NIPSNAP1: variants seen among roughly 807,000 people sequenced by gnomAD.
NIPSNAP1 encodes the protein nipsnap homolog 1, also known as protein NipSnap homolog 1.
In NIPSNAP1, 25 loss-of-function variants were observed where a neutral mutation model predicts 49.2. The ratio of observed to expected loss-of-function variants is 0.51; its 90% CI spans 0.37 to 0.71. NIPSNAP1 has a LOEUF of 0.71. Ranked by LOEUF, NIPSNAP1 falls within the 30% of genes least tolerant of loss-of-function variation. The pLI is 0.00. For synonymous variants in NIPSNAP1, 143 were observed against 140.7 expected, an observed-to-expected ratio of 1.02 and a Z score of -0.12; for missense variants, 294 against 361.0, an observed-to-expected ratio of 0.81 and a Z score of 1.50.
intron 4 of NIPSNAP1, among the ~76,000 whole-genome samples, chr22:29,568,267 C>T (rs1203130783): frequency 6.8e-6 from 1 of 148,110 alleles, no homozygotes; most frequent in Non-Finnish European, 1.5e-5. Flanking sequence ...GGTGGATCAC[C>T]TGAGGTCAGA....
chr22:29,573,355 T>C (rs2064424956), intron 1 of NIPSNAP1, among the ~76,000 whole-genome samples: 1 of 152,100 alleles, frequency 6.6e-6, no homozygotes, highest in Admixed American at 6.6e-5. Context: ...TATGTTTGTA[T>C]AAGCATAAAA....
chr22:29,562,773 T>C (rs2064344677), intron 4 of NIPSNAP1, among the ~76,000 whole-genome samples: 1 of 151,760 alleles, frequency 6.6e-6, no homozygotes, highest in Non-Finnish European at 1.5e-5. Context: ...GAAGCTTACT[T>C]TGCATGGAAA....
At chr22:29,556,036 C>G in intron 9 of NIPSNAP1, 37 bp from the exon 10 acceptor site, 1 of 1,541,356 alleles carries the variant, frequency 6.5e-7, no homozygotes, top group Non-Finnish European at 8.8e-7. Flanking sequence ...ACAGGGGGCT[C>G]AAGCAAGCCA....
intron 1 of NIPSNAP1, among the ~76,000 whole-genome samples, chr22:29,579,268 C>G (rs949119170): frequency 6.8e-6 from 1 of 147,362 alleles, no homozygotes; most frequent in Non-Finnish European, 1.5e-5. Context: ...ACGTTTTCAC[C>G]AACATGGTGA....
intron 8 of NIPSNAP1, 124 bp downstream of exon 8, chr22:29,560,610 T>C: frequency 1.2e-6 from 1 of 813,182 alleles, no homozygotes; most frequent in Admixed American, 1.8e-5. Flanking sequence ...ACTTTACATC[T>C]AAGATAGTGT....
Position 29,581,105 on chromosome 22 carries a change from G to A in NIPSNAP1, c.-23C>T, listed in dbSNP as rs564487854. Reference sequence around the variant, plus strand: ...CATGTTGGAGCCGCAAAGGTTGCAGGAAGGCCCCGCCCCCAAGCCCTGGTG... The same window carrying A: ...CATGTTGGAGCCGCAAAGGTTGCAGAAAGGCCCCGCCCCCAAGCCCTGGTG... On this transcript the variant is annotated 5_prime_UTR_variant, in exon 1 of 10. Coordinates refer to ENST00000216121, the MANE Select transcript of NIPSNAP1 (RefSeq NM_003634.4). 2.1e-5 allele frequency: 33 copies of A among 1,538,340 alleles called. No individual in the cohort carries two copies. Among genetic ancestry groups the A allele is most frequent in the Admixed American group, 5.9e-5 (3 of 50,924 alleles).
intron 1 of NIPSNAP1, among the ~76,000 whole-genome samples, chr22:29,572,384 G>C (rs1432664500): frequency 6.6e-6 from 1 of 151,840 alleles, no homozygotes; most frequent in Non-Finnish European, 1.5e-5. Flanking sequence ...GCAGCCATTG[G>C]GACGGATAAA....
At chr22:29,556,640 C>A (rs1328730862) in intron 9 of NIPSNAP1, among the ~76,000 whole-genome samples, 1 of 152,220 alleles carries the variant, frequency 6.6e-6, no homozygotes, top group Non-Finnish European at 1.5e-5. Context: ...ACTCTTTCCT[C>A]CAGCTCAGAG....
intron 4 of NIPSNAP1, among the ~76,000 whole-genome samples, chr22:29,566,928 C>T (rs989539028): frequency 6.6e-6 from 1 of 152,136 alleles, no homozygotes; most frequent in Non-Finnish European, 1.5e-5. Flanking sequence ...TCAAGACCAG[C>T]CTGACCAACA....
chr22:29,576,100 C>T (rs144459992), intron 1 of NIPSNAP1, among the ~76,000 whole-genome samples: 1 of 149,076 alleles, frequency 6.7e-6, no homozygotes, highest in Non-Finnish European at 1.5e-5. Flanking sequence ...CTCACTGCAA[C>T]CTCCACCTCC....
At chr22:29,572,023 C>G (rs549937562) in intron 1 of NIPSNAP1, among the ~76,000 whole-genome samples, 1 of 152,268 alleles carries the variant, frequency 6.6e-6, no homozygotes, top group East Asian at 1.9e-4. Flanking sequence ...ATGTCTTAGG[C>G]TGGGTGTGAT....
rs1341295341 is a variant in NIPSNAP1, at chr22:29,570,487, A to G, written c.144T>C (p.Phe48=). The stretch of plus-strand genomic sequence containing the variant: ...CCTTCCGGGGATCCACTTTGTGAAC[A>G]AAGAGGGAGCGGAACCAGCTGCCTT... ...DNEGSWFRSL[F]VHKVDPRKDA... Residue 48 remains phenylalanine, a synonymous_variant, in exon 2 of 10, where the codon TTT becomes TTC. Coordinates refer to ENST00000216121, the MANE Select transcript of NIPSNAP1 (RefSeq NM_003634.4). The G allele has an allele frequency of 1.2e-6, 2 of 1,614,034 alleles. No homozygotes were observed. The highest frequency in any genetic ancestry group is 3.3e-5 in the Admixed American group (2 of 59,976).
At chr22:29,573,418 G>A (rs542363525) in intron 1 of NIPSNAP1, among the ~76,000 whole-genome samples, 2 of 152,250 alleles carry the variant, frequency 1.3e-5, no homozygotes, top group African/African-American at 4.8e-5. Context: ...AGCACTCTGG[G>A]AGGCCGAGGC....
intron 1 of NIPSNAP1, among the ~76,000 whole-genome samples, chr22:29,579,307 T>G (rs1359762263): frequency 1.4e-5 from 2 of 142,230 alleles, no homozygotes; most frequent in Non-Finnish European, 3.0e-5. Context: ...TTTTTTTTTT[T>G]TTTTTTGAGA....
chr22:29,560,097 T>A (rs149767744), intron 8 of NIPSNAP1, among the ~76,000 whole-genome samples: 172 of 152,294 alleles, frequency 1.1e-3, no homozygotes, highest in African/African-American at 4.1e-3. Context: ...TCTGTCTACT[T>A]GGAATGCTTT....
chr22:29,579,531 C>T (rs900558478), intron 1 of NIPSNAP1, among the ~76,000 whole-genome samples: 31 of 151,828 alleles, frequency 2.0e-4, no homozygotes, highest in Admixed American at 9.8e-4. Flanking sequence ...CTCCTGACCT[C>T]GTGATCCACC....
intron 4 of NIPSNAP1, among the ~76,000 whole-genome samples, chr22:29,563,355 C>A (rs1448440329): frequency 1.3e-5 from 2 of 151,580 alleles, no homozygotes; most frequent in Non-Finnish European, 2.9e-5. Context: ...CTTGGCGAAA[C>A]CCCATCTCTA....
Position 29,560,683 on chromosome 22 carries a change from A to C in NIPSNAP1, c.706+51T>G, listed in dbSNP as rs757630761. The C allele has an allele frequency of 2.1e-5, 30 of 1,440,146 alleles. No homozygotes were observed. The East Asian group carries it at 6.8e-4, about 33-fold the overall frequency. The allele number at this position is 1,440,146 out of a possible 1,614,324, so 89.2% of individuals were successfully genotyped here. A position where few individuals can be genotyped will look rare whatever the true frequency, so the allele number is the denominator to read the frequency against. On this transcript the variant is annotated intron_variant, in intron 8 of 9. Coordinates refer to ENST00000216121, the MANE Select transcript of NIPSNAP1 (RefSeq NM_003634.4). The stretch of plus-strand genomic sequence containing the variant: ...ACAACCCCATTGGCTACAGAGAGTG[A>C]TGACAGAGAAAGAGAACTAACAAAA...
intron 9 of NIPSNAP1, among the ~76,000 whole-genome samples, chr22:29,556,380 C>T (rs141627415): frequency 5.3e-5 from 8 of 152,002 alleles, no homozygotes; most frequent in Non-Finnish European, 1.0e-4. Flanking sequence ...CAAAATTAGC[C>T]GGGCGTAGTG....
Sources: gnomAD v4.1 joint callset for allele counts (sites outside exome capture counted in the v4.1 genomes callset) on GRCh38, gnomAD v4.1.1 for gene constraint, MANE v1.5 for transcripts, NCBI Gene and HGNC (gene_info 2026-07-23, HGNC 2026-07-21) for gene names.